Variants in PEX11G observed in about 807,000 individuals in gnomAD.
The protein encoded by PEX11G is peroxisomal biogenesis factor 11 gamma.
In PEX11G, 20 loss-of-function variants were observed where a neutral mutation model predicts 22.5. That is an observed-to-expected ratio of 0.89 (90% confidence interval 0.62 to 1.29). The LOEUF (loss-of-function observed/expected upper bound fraction) is 1.29. Ranked by LOEUF, PEX11G falls within the 50% of genes most tolerant of loss-of-function variation. The pLI is 0.00. For synonymous variants in PEX11G, 141 were observed against 154.5 expected (o/e 0.91, Z 0.65); for missense variants, 347 against 331.3 (o/e 1.05, Z -0.37).
upstream of PEX11G, among the ~76,000 whole-genome samples, chr19:7,492,741 C>T (rs2021912662): frequency 6.6e-6 from 1 of 152,204 alleles, no homozygotes; most frequent in African/African-American, 2.4e-5. Context: ...CGCGTCTGGC[C>T]TCGATGTTAA....
chr19:7,486,888 C>T (rs376709634), intron 1 of PEX11G, among the ~76,000 whole-genome samples: 2 of 152,044 alleles, frequency 1.3e-5, no homozygotes, highest in Non-Finnish European at 2.9e-5. Context: ...CGTAAGCCAC[C>T]GCGCCTGGCT....
At chr19:7,492,754 A>G (rs1442999911), upstream of PEX11G, among the ~76,000 whole-genome samples, 1 of 152,108 alleles carries the variant, frequency 6.6e-6, no homozygotes, top group Non-Finnish European at 1.5e-5. Context: ...GATGTTAACC[A>G]GTTTTCTTTC....
At chr19:7,479,888 C>T (rs181202364) in intron 3 of PEX11G, among the ~76,000 whole-genome samples, 171 of 152,218 alleles carry the variant, frequency 1.1e-3, no homozygotes, top group African/African-American at 4.0e-3. Flanking sequence ...TGCCAGTAGT[C>T]GGGGAGGCTG....
intron 3 of PEX11G, 72 bp from the exon 4 acceptor site, chr19:7,478,448 G>T: frequency 1.4e-6 from 2 of 1,468,742 alleles, no homozygotes; most frequent in Non-Finnish European, 1.9e-6. Flanking sequence ...CGCTGGCCCC[G>T]GACATACAGT....
At chr19:7,492,334 C>CT (rs1316110186), upstream of PEX11G, among the ~76,000 whole-genome samples, 1 of 152,180 alleles carries the variant, frequency 6.6e-6, no homozygotes, top group African/African-American at 2.4e-5. Flanking sequence ...TTGCAACATC[C>CT]TTTTTTGATT....
At position 7,477,213 on chromosome 19, in the gene PEX11G, T is replaced by C; in HGVS notation, c.715A>G (p.Thr239Ala). The change falls in exon 5 of 5, where the codon ACT becomes GCT. Residue 239 changes from threonine (T) to alanine (A), a missense_variant. Coordinates refer to ENST00000221480, the MANE Select transcript of PEX11G (RefSeq NM_080662.4). The part of the protein sequence containing the change: ...AARAGGQAEA[T>A]TP ...CTCTTCCGGCAGTGTCAGGGGGTAG[T>C]GGCCTCGGCCTGGCCGCCGGCCCGG... 6.6e-7 allele frequency: 1 copy of C among 1,503,810 alleles called. No individual in the cohort carries two copies. The highest frequency in any genetic ancestry group is 8.9e-7 in the Non-Finnish European group (1 of 1,129,802). 93.2% of individuals were successfully genotyped at this position (1,503,810 alleles called of 1,614,324 possible).
chr19:7,478,820 C>G (rs1228533680), intron 3 of PEX11G, among the ~76,000 whole-genome samples: 4 of 152,338 alleles, frequency 2.6e-5, no homozygotes, highest in East Asian at 3.9e-4. Context: ...AGTGCCATGC[C>G]AGCACCCCCT....
At position 7,482,102 on chromosome 19, in the gene PEX11G, A is replaced by ACGTGGAGGACC; in HGVS notation, c.348_358dup (p.Val120GlyfsTer13). On this transcript the variant is annotated frameshift_variant, in exon 3 of 5. Coordinates refer to ENST00000221480, the MANE Select transcript of PEX11G (RefSeq NM_080662.4). LOFTEE classifies it high-confidence loss of function. ...CAGCGTCCACCACCGAGAAGAGTCC[A>ACGTGGAGGACC]CGTGGAGGACCCGGGCATCAGCCGC... is the stretch of plus-strand genomic sequence containing the variant. The ACGTGGAGGACC allele has an allele frequency of 6.2e-7, 1 of 1,604,108 alleles. No individual in the cohort carries two copies. The highest frequency in any genetic ancestry group is 8.5e-7 in the Non-Finnish European group (1 of 1,176,070).
chr19:7,489,542 C>T (rs1238048158), upstream of PEX11G: 1 of 966,960 alleles, frequency 1.0e-6, no homozygotes, highest in South Asian at 4.7e-5. Flanking sequence ...AATAAAAATG[C>T]ACAATTCAGT....
At chr19:7,479,986 G>A (rs901293380) in intron 3 of PEX11G, among the ~76,000 whole-genome samples, 3 of 152,112 alleles carry the variant, frequency 2.0e-5, no homozygotes, top group African/African-American at 2.4e-5. Context: ...AGTCTGGGCC[G>A]GGAGTGGTGG....
intron 1 of PEX11G, among the ~76,000 whole-genome samples, chr19:7,487,573 C>A (rs933939265): frequency 1.3e-5 from 2 of 152,140 alleles, no homozygotes; most frequent in Non-Finnish European, 2.9e-5. Flanking sequence ...CAGGCACGCA[C>A]CACCACATCC....
chr19:7,486,846 G>C lies in PEX11G; in HGVS notation c.61-820C>G, dbSNP rs546747178. 3.3e-5 allele frequency among the ~76,000 whole-genome samples: 5 copies of C among 152,062 alleles called. No individual in the cohort carries two copies. The East Asian group carries it at 9.7e-4, about 29-fold the overall frequency. On this transcript the variant is annotated intron_variant, in intron 1 of 4. Transcript: ENST00000221480. ...GATCTCCTGACCTCATGATCCACCC[G>C]CCTCGGCCTCCCAAAGTGCTGGGAT...
rs1381062354 is a variant in PEX11G at position 7,477,422 on chromosome 19, C to T, written c.506G>A (p.Gly169Asp). Residue 169 changes from glycine (G) to aspartate (D), a missense_variant, in exon 5 of 5, where the codon GGC becomes GAC. Coordinates refer to ENST00000221480, the MANE Select transcript of PEX11G (RefSeq NM_080662.4). ...CTGCGCCTCCATGGCCCTCCGCTTG[C>T]CCCGGGGCAGCGGGCTGTGGGGCAG... ...TAPFTSPLPR[G>D]KRRAMEAQMQ... 2 of 1,461,622 alleles carry T rather than the reference C, an allele frequency of 1.4e-6. No homozygotes were observed. The highest frequency in any genetic ancestry group is 2.7e-5 in the Admixed American group (1 of 36,806). The allele number at this position is 1,461,622 out of a possible 1,614,324, so 90.5% of individuals were successfully genotyped here.
Position 7,477,051 on chromosome 19 carries a change from G to A in PEX11G, c.*151C>T, listed in dbSNP as rs1292626021. Reference sequence around the variant, plus strand: ...TCAGGAGCTCCAGGCTGAGGCCTGGGGGACCTCGCATCAGTCCCTCCACCC... The same window carrying A: ...TCAGGAGCTCCAGGCTGAGGCCTGGAGGACCTCGCATCAGTCCCTCCACCC... On this transcript the variant is annotated 3_prime_UTR_variant, in exon 5 of 5. Transcript: ENST00000221480. 12 of 633,886 alleles carry A rather than the reference G, an allele frequency of 1.9e-5. No homozygotes were observed. The highest frequency in any genetic ancestry group is 2.6e-5 in the Non-Finnish European group (11 of 421,514). 39.3% of individuals were successfully genotyped at this position (633,886 alleles called of 1,614,324 possible).
At position 7,482,185 on chromosome 19, in the gene PEX11G, G is replaced by T; in HGVS notation, c.276C>A (p.Val92=). ...AQEEDAFVRC[V]SVLGNLADQL... is the part of the protein sequence containing the mutation. ...GGTCAGCCAGGTTCCCTAGGACGGA[G>T]ACACAGCGGACAAAGGCGTCCTCCT... Residue 92 remains valine (V), a synonymous_variant, in exon 3 of 5, where the codon GTC becomes GTA. Coordinates refer to ENST00000221480, the MANE Select transcript of PEX11G (RefSeq NM_080662.4). 1 of 1,578,392 alleles carries T rather than the reference G, an allele frequency of 6.3e-7. No homozygotes were observed. Among genetic ancestry groups the T allele is most frequent in the East Asian group, 2.3e-5 (1 of 42,854 alleles).
chr19:7,478,183 G>A, intron 4 of PEX11G, 131 bp downstream of exon 4: 1 of 927,440 alleles, frequency 1.1e-6, no homozygotes, highest in Non-Finnish European at 1.6e-6. Context: ...CCCACCAGAG[G>A]CTGTGATGAC....
chr19:7,480,677 G>A (rs1599210939), intron 3 of PEX11G, among the ~76,000 whole-genome samples: 2 of 152,180 alleles, frequency 1.3e-5, no homozygotes, highest in African/African-American at 2.4e-5. Context: ...CATCTGTGCC[G>A]GGGGGAAAAC....
upstream of PEX11G, among the ~76,000 whole-genome samples, chr19:7,490,327 AT>A (rs557189344): frequency 1.8e-3 from 265 of 145,622 alleles, 1 homozygote; most frequent in African/African-American, 2.8e-3. Context: ...TCCCTTGTTA[AT>A]TTTTTTTTTT....
intron 3 of PEX11G, among the ~76,000 whole-genome samples, chr19:7,481,357 A>C (rs989244673): frequency 2.0e-5 from 3 of 151,998 alleles, no homozygotes; most frequent in Admixed American, 2.0e-4. Context: ...TGCACCACCA[A>C]GCCCAGCTAA....
Sources: allele counts gnomAD v4.1 joint callset (sites outside exome capture counted in the v4.1 genomes callset), GRCh38; gene constraint gnomAD v4.1.1; transcripts MANE v1.5; gene names NCBI Gene and HGNC (gene_info 2026-07-23, HGNC 2026-07-21).